The following AK8 variants were observed in gnomAD, a reference collection of about 807,000 sequenced individuals.
The protein encoded by AK8 is ATP-AMP transphosphorylase 8.
AK8 carries 44 observed loss-of-function variants against 54.6 expected under a neutral mutation model. That is an observed-to-expected ratio of 0.81 (90% CI 0.63 to 1.04). AK8 has a LOEUF of 1.04. AK8 is among the 50% of genes least tolerant of loss of function. AK8 has a pLI of 0.00. For synonymous variants in AK8, 239 were observed against 245.6 expected (o/e 0.97, Z 0.25); for missense variants, 555 against 613.6 (o/e 0.90, Z 1.01).
At chr9:132,779,570 G>A (rs1455429309) in intron 11 of AK8, among the ~76,000 whole-genome samples, 2 of 152,220 alleles carry the variant, frequency 1.3e-5, no homozygotes, top group African/African-American at 4.8e-5. Flanking sequence ...CTGACAGGAG[G>A]TACTCTGGGC....
intron 11 of AK8, among the ~76,000 whole-genome samples, chr9:132,780,291 G>A (rs1839407308): frequency 6.6e-6 from 1 of 152,240 alleles, no homozygotes; most frequent in Non-Finnish European, 1.5e-5. Flanking sequence ...TAAGAAGAAA[G>A]CTTCCAGACC....
chr9:132,805,660 C>A (rs1840686293), intron 10 of AK8, among the ~76,000 whole-genome samples: 1 of 152,130 alleles, frequency 6.6e-6, no homozygotes, highest in Non-Finnish European at 1.5e-5. Flanking sequence ...CCCTCGGGGG[C>A]ACAAACCTGT....
chr9:132,811,068 C>A (rs1192799534), intron 10 of AK8, among the ~76,000 whole-genome samples: 1 of 152,184 alleles, frequency 6.6e-6, no homozygotes, highest in Non-Finnish European at 1.5e-5. Context: ...ATACGTTCAA[C>A]TTTACCAACC....
chr9:132,834,597 C>T (rs962140864), intron 5 of AK8, among the ~76,000 whole-genome samples: 5 of 152,204 alleles, frequency 3.3e-5, no homozygotes, highest in South Asian at 2.1e-4. Context: ...GATTCCTCCA[C>T]CTGATCAAGG....
At chr9:132,773,312 T>C (rs1282743921) in intron 11 of AK8, among the ~76,000 whole-genome samples, 1 of 152,186 alleles carries the variant, frequency 6.6e-6, no homozygotes, top group Admixed American at 6.5e-5. Context: ...AGGCCTTCCC[T>C]GATGGCCCTC....
At chr9:132,793,665 A>G (rs1840036133) in intron 10 of AK8, among the ~76,000 whole-genome samples, 1 of 152,378 alleles carries the variant, frequency 6.6e-6, no homozygotes, top group South Asian at 2.1e-4. Context: ...TCTTGTTTAC[A>G]TTGCGGCAAT....
chr9:132,878,077 C>T lies in AK8; in HGVS notation c.84+95G>A. The T allele has an allele frequency of 6.5e-7, 1 of 1,536,870 alleles. No individual in the cohort carries two copies. The highest frequency in any genetic ancestry group is 2.5e-5 in the East Asian group (1 of 40,394). ...TGGGCTGCTTCGTGGGCGCGCGACT[C>T]GGCCCCAGCTGCGGGTCCCGGCCGC... On this transcript the variant is annotated intron_variant, in intron 1 of 12. Transcript: ENST00000298545. This position sits in a 1 kb window ranked among gnomAD's most constrained non-coding sequence, Gnocchi z 4.7.
chr9:132,787,373 A>C (rs575124912), intron 11 of AK8, among the ~76,000 whole-genome samples: 3 of 152,206 alleles, frequency 2.0e-5, no homozygotes, highest in African/African-American at 7.2e-5. Context: ...AAGAGCCTAC[A>C]AACTTCCACA....
chr9:132,772,577 A>T (rs139498621), intron 11 of AK8, among the ~76,000 whole-genome samples: 4 of 152,184 alleles, frequency 2.6e-5, no homozygotes, highest in Admixed American at 2.6e-4. Context: ...GAAGAAATAA[A>T]CTTCTGTTAA....
intron 10 of AK8, among the ~76,000 whole-genome samples, chr9:132,805,248 C>G (rs1298558121): frequency 6.6e-6 from 1 of 152,196 alleles, no homozygotes; most frequent in Non-Finnish European, 1.5e-5. Flanking sequence ...TGCACTCCGG[C>G]TCTCCTTGGA....
intron 8 of AK8, among the ~76,000 whole-genome samples, chr9:132,825,743 G>A (rs1841843274): frequency 6.6e-6 from 1 of 152,200 alleles, no homozygotes; most frequent in Admixed American, 6.5e-5. Context: ...AGCAGGGAAG[G>A]GCTTGAGGGA....
chr9:132,859,683 C>T (rs1843310983), intron 4 of AK8, among the ~76,000 whole-genome samples: 1 of 151,820 alleles, frequency 6.6e-6, no homozygotes, highest in Non-Finnish European at 1.5e-5. Flanking sequence ...TCTTCCTCAC[C>T]TGAGCCTTTT....
At chr9:132,868,686 T>A (rs969406764) in intron 2 of AK8, among the ~76,000 whole-genome samples, 6 of 152,156 alleles carry the variant, frequency 3.9e-5, no homozygotes, top group Non-Finnish European at 8.8e-5. Context: ...CCGAGTCTTA[T>A]CCTCCTGGAT....
At chr9:132,874,599 C>T (rs1016450101) in intron 2 of AK8, among the ~76,000 whole-genome samples, 4 of 152,338 alleles carry the variant, frequency 2.6e-5, no homozygotes, top group East Asian at 1.9e-4. Context: ...TTCTGTGCTC[C>T]GGCCTTGGGT....
At chr9:132,728,127 T>A (rs563723401) in intron 11 of AK8, among the ~76,000 whole-genome samples, 2 of 152,204 alleles carry the variant, frequency 1.3e-5, no homozygotes, top group Non-Finnish European at 2.9e-5. Flanking sequence ...CTGACTCTCG[T>A]CACCCCAGAC....
At position 132,813,857 on chromosome 9, in the gene AK8, G is replaced by A. The variant is rs549803754; in HGVS notation, c.979+781C>T. Among the ~76,000 whole-genome samples the A allele has an allele frequency of 1.6e-3, 237 of 152,324 alleles. 1 individual carries two copies. Among genetic ancestry groups the A allele is most frequent in the African/African-American group, 4.4e-3 (184 of 41,572 alleles). ...GTCCTGCTTCGCCTGTCAAACAGGC[G>A]AGCATCTAACTGCTGAGGACCAATG... On this transcript the variant is annotated intron_variant, in intron 10 of 12. Coordinates refer to ENST00000298545, the MANE Select transcript of AK8 (RefSeq NM_152572.3).
chr9:132,732,059 A>G (rs143658733), intron 11 of AK8, among the ~76,000 whole-genome samples: 3,275 of 152,272 alleles, frequency 0.022, 55 homozygotes, highest in Middle Eastern at 0.041. Context: ...TTATTAGTGT[A>G]CCTGAGTGTT....
chr9:132,768,269 AT>A (rs34438042), intron 11 of AK8, among the ~76,000 whole-genome samples: 105,661 of 135,734 alleles, frequency 0.78, 40,476 homozygotes, highest in East Asian at 0.85. Context: ...TAACTTTTTA[AT>A]TTTTTTTTTT....
intron 11 of AK8, among the ~76,000 whole-genome samples, chr9:132,736,557 G>A (rs1029097757): frequency 6.6e-6 from 1 of 150,890 alleles, no homozygotes. Context: ...CAGCACTTTG[G>A]GAGGCCGAGG....
Sources: allele counts gnomAD v4.1 joint callset (sites outside exome capture counted in the v4.1 genomes callset), GRCh38; gene constraint gnomAD v4.1.1; non-coding constraint Gnocchi (gnomAD v3.1); transcripts MANE v1.5; gene names NCBI Gene and HGNC (gene_info 2026-07-23, HGNC 2026-07-21).